Variants in CCSER1 observed in about 807,000 individuals in gnomAD.
The protein encoded by CCSER1 is coiled-coil serine rich protein 1, also known as serine-rich coiled-coil domain-containing protein 1.
CCSER1 carries 41 observed loss-of-function variants against 82.0 expected under a neutral mutation model. The ratio of observed to expected loss-of-function variants is 0.50; its 90% CI spans 0.39 to 0.65. The LOEUF (loss-of-function observed/expected upper bound fraction) is 0.65. Among genes scored for constraint, CCSER1 ranks in the 30% least tolerant of loss-of-function variants. The pLI is 0.00. For synonymous variants in CCSER1, 414 were observed against 383.9 expected, an observed-to-expected ratio of 1.08 and a Z score of -0.92; for missense variants, 1,119 against 1,064.2, an observed-to-expected ratio of 1.05 and a Z score of -0.72.
chr4:90,367,124 T>C (rs1746412927), intron 3 of CCSER1, among the ~76,000 whole-genome samples: 1 of 151,752 alleles, frequency 6.6e-6, no homozygotes, highest in Non-Finnish European at 1.5e-5. Context: ...AGAATTGTGA[T>C]AACTAACACT....
chr4:91,422,085 A>G (rs560046676), intron 10 of CCSER1, among the ~76,000 whole-genome samples: 35 of 152,290 alleles, frequency 2.3e-4, no homozygotes, highest in African/African-American at 8.4e-4. Context: ...AGCCTCCAGG[A>G]AAGAATGTAG....
At position 91,437,924 on chromosome 4, in the gene CCSER1, G is replaced by T. The variant is rs6532308; in HGVS notation, c.2218-160648G>T. ...AAACTGCAAGGCAGCAGCGAGGCAG[G>T]GGGAGGGGCGCCCGCCATTGCCCAG... On this transcript the variant is annotated intron_variant, in intron 10 of 10. Coordinates refer to ENST00000509176, the MANE Select transcript of CCSER1 (RefSeq NM_001145065.2). Among the ~76,000 whole-genome samples, 824 of 152,308 alleles carry T rather than the reference G, an allele frequency of 5.4e-3. 8 individuals are homozygous for T. Among genetic ancestry groups the T allele is most frequent in the African/African-American group, 0.019 (782 of 41,568 alleles).
At chr4:91,329,225 A>ATATTTTG (rs60439386) in intron 10 of CCSER1, among the ~76,000 whole-genome samples, 103,419 of 151,500 alleles carry the variant, frequency 0.68, 35,438 homozygotes, top group Middle Eastern at 0.74. Context: ...TAAAGGGAAA[A>ATATTTTG]ATATTTTGAA....
chr4:90,860,881 T>C (rs1034471330), intron 8 of CCSER1, among the ~76,000 whole-genome samples: 6 of 151,564 alleles, frequency 4.0e-5, no homozygotes, highest in Non-Finnish European at 8.9e-5. Context: ...GGAATGATAG[T>C]TAATGGGTAT....
At chr4:90,821,545 C>A (rs982546610) in intron 8 of CCSER1, among the ~76,000 whole-genome samples, 1 of 151,920 alleles carries the variant, frequency 6.6e-6, no homozygotes, top group African/African-American at 2.4e-5. Flanking sequence ...TCACTCTTAT[C>A]CAACAGAAAG....
intron 9 of CCSER1, among the ~76,000 whole-genome samples, chr4:90,937,520 A>C (rs1015429315): frequency 1.6e-5 from 2 of 126,196 alleles, no homozygotes; most frequent in African/African-American, 6.3e-5. Context: ...CACACACTGA[A>C]TGGCTCAATA....
intron 1 of CCSER1, among the ~76,000 whole-genome samples, chr4:90,148,175 T>C (rs918635449): frequency 6.6e-6 from 1 of 152,116 alleles, no homozygotes; most frequent in African/African-American, 2.4e-5. Context: ...AAAATGATAA[T>C]AATAATAATT....
intron 1 of CCSER1, among the ~76,000 whole-genome samples, chr4:90,213,485 C>T (rs1438191218): frequency 6.6e-6 from 1 of 152,044 alleles, no homozygotes; most frequent in Non-Finnish European, 1.5e-5. Context: ...TGGAAGTCCA[C>T]GGTATATAGC....
chr4:90,238,353 C>G (rs1322865569), intron 1 of CCSER1, among the ~76,000 whole-genome samples: 2 of 152,184 alleles, frequency 1.3e-5, no homozygotes, highest in East Asian at 3.9e-4. Context: ...CACATGATTC[C>G]TTTAGATTAC....
intron 10 of CCSER1, among the ~76,000 whole-genome samples, chr4:91,141,255 G>A (rs375736034): frequency 6.6e-6 from 1 of 151,710 alleles, no homozygotes; most frequent in Non-Finnish European, 1.5e-5. Flanking sequence ...TTGAGTTCAA[G>A]TGATTCTCCT....
intron 5 of CCSER1, among the ~76,000 whole-genome samples, chr4:90,490,087 G>A (rs1193353912): frequency 6.6e-6 from 1 of 152,122 alleles, no homozygotes; most frequent in African/African-American, 2.4e-5. Flanking sequence ...TATCCCTGAG[G>A]AATCACCACA....
At chr4:90,153,236 A>G (rs1578209913) in intron 1 of CCSER1, among the ~76,000 whole-genome samples, 1 of 152,024 alleles carries the variant, frequency 6.6e-6, no homozygotes, top group South Asian at 2.1e-4. Flanking sequence ...TTGTGGCTGC[A>G]TAGTATTCCA....
At position 91,403,528 on chromosome 4, in the gene CCSER1, G is replaced by T. The variant is rs564318589; in HGVS notation, c.2218-195044G>T. Among the ~76,000 whole-genome samples the T allele has an allele frequency of 4.6e-5, 7 of 152,194 alleles. No homozygotes were observed. The East Asian group carries it at 7.7e-4, about 17-fold the overall frequency. On this transcript the variant is annotated intron_variant, in intron 10 of 10. Coordinates refer to ENST00000509176, the MANE Select transcript of CCSER1 (RefSeq NM_001145065.2). ...CCCACTCAGTATGATATTGGCTGTG[G>T]GTTTGTCATAAATAGCTCTTGTTAT... is the stretch of plus-strand genomic sequence containing the variant.
chr4:90,611,852 C>T (rs916007593), intron 5 of CCSER1, among the ~76,000 whole-genome samples: 3 of 150,278 alleles, frequency 2.0e-5, no homozygotes, highest in Non-Finnish European at 3.0e-5. Context: ...AAACCACTCA[C>T]GTGGCATGAA....
chr4:90,982,718 A>C (rs1007250742), intron 9 of CCSER1, among the ~76,000 whole-genome samples: 22 of 151,832 alleles, frequency 1.4e-4, no homozygotes, highest in African/African-American at 5.1e-4. Context: ...TCATGAAGGG[A>C]AGTAAAATTC....
chr4:91,086,920 A>G (rs1169432853), intron 10 of CCSER1, among the ~76,000 whole-genome samples: 2 of 152,134 alleles, frequency 1.3e-5, no homozygotes, highest in African/African-American at 2.4e-5. Flanking sequence ...TTAGGAACAC[A>G]TAAAGTTGGT....
chr4:90,376,536 G>A (rs1748343556), intron 3 of CCSER1, among the ~76,000 whole-genome samples: 1 of 152,140 alleles, frequency 6.6e-6, no homozygotes, highest in African/African-American at 2.4e-5. Flanking sequence ...GCTTTTTAAG[G>A]TAGTCCCTGA....
rs527379138 is a variant in CCSER1, at chr4:91,021,931, G to A, written c.2173-64019G>A. On this transcript the variant is annotated intron_variant, in intron 9 of 10. Transcript: ENST00000509176. ...ACTGAAATACAACATATATAGGTAT[G>A]GTATATTTCAAATGATTAAATTTTT... 6.8e-4 allele frequency among the ~76,000 whole-genome samples: 104 copies of A among 151,934 alleles called. 1 individual carries two copies. Among genetic ancestry groups the A allele is most frequent in the African/African-American group, 2.3e-3 (97 of 41,468 alleles).
chr4:90,495,121 T>G (rs1218171175), intron 5 of CCSER1, among the ~76,000 whole-genome samples: 1 of 152,222 alleles, frequency 6.6e-6, no homozygotes, highest in Non-Finnish European at 1.5e-5. Context: ...AGTTCTTGTC[T>G]ATTTTTTCCC....
Sources: gnomAD v4.1 joint callset for allele counts (sites outside exome capture counted in the v4.1 genomes callset) on GRCh38, gnomAD v4.1.1 for gene constraint, MANE v1.5 for transcripts, NCBI Gene and HGNC (gene_info 2026-07-23, HGNC 2026-07-21) for gene names.